The following PRDM5 variants were observed in gnomAD, a reference collection of about 807,000 sequenced individuals.
PRDM5 encodes PR domain zinc finger protein 5.
A neutral mutation model predicts 81.2 loss-of-function variants in PRDM5; 56 were observed. The ratio of observed to expected loss-of-function variants is 0.69; its 90% confidence interval spans 0.56 to 0.86. PRDM5 has a LOEUF of 0.86. Ranked by LOEUF, PRDM5 falls within the 40% of genes least tolerant of loss-of-function variation. The pLI, the probability that PRDM5 is intolerant of heterozygous loss-of-function variation, is 0.00. For missense variants in PRDM5, 697 were observed against 770.1 expected, an observed-to-expected ratio of 0.91 and a Z score of 1.12; for synonymous variants, 267 against 256.4, an observed-to-expected ratio of 1.04 and a Z score of -0.39.
chr4:120,731,009 TAA>T (rs1319882380), intron 14 of PRDM5, among the ~76,000 whole-genome samples: 2 of 152,158 alleles, frequency 1.3e-5, no homozygotes, highest in Non-Finnish European at 2.9e-5. Context: ...CAAAAGCCCT[TAA>T]GAGTTTCCCT....
At chr4:120,789,188 T>C (rs1270676418) in intron 10 of PRDM5, among the ~76,000 whole-genome samples, 1 of 152,182 alleles carries the variant, frequency 6.6e-6, no homozygotes, top group Non-Finnish European at 1.5e-5. Context: ...AAACATATCT[T>C]TTTATATACC....
chr4:120,790,047 T>C (rs1750344995), intron 10 of PRDM5, among the ~76,000 whole-genome samples: 1 of 152,126 alleles, frequency 6.6e-6, no homozygotes, highest in African/African-American at 2.4e-5. Flanking sequence ...GATGAAGTTA[T>C]AGAAGGTAGC....
intron 3 of PRDM5, among the ~76,000 whole-genome samples, chr4:120,833,904 T>C (rs1757027038): frequency 6.6e-6 from 1 of 152,152 alleles, no homozygotes; most frequent in Non-Finnish European, 1.5e-5. Flanking sequence ...ACTCTGAATC[T>C]GTGAAAGCTA....
intron 14 of PRDM5, among the ~76,000 whole-genome samples, chr4:120,750,635 G>T (rs994199872): frequency 5.3e-5 from 8 of 151,632 alleles, no homozygotes; most frequent in Non-Finnish European, 7.4e-5. Flanking sequence ...CCTATTTCCA[G>T]GCATAAGCAG....
chr4:120,697,611 C>G (rs1410128046), intron 15 of PRDM5, among the ~76,000 whole-genome samples: 1 of 148,802 alleles, frequency 6.7e-6, no homozygotes, highest in Non-Finnish European at 1.5e-5. Context: ...CCTCGACTCA[C>G]ATTTTAGCCT....
intron 15 of PRDM5, among the ~76,000 whole-genome samples, chr4:120,704,865 T>C (rs764292720): frequency 3.3e-5 from 5 of 152,152 alleles, no homozygotes; most frequent in Non-Finnish European, 5.9e-5. Flanking sequence ...TTACAGGTAC[T>C]GTGAGCGTGA....
intron 14 of PRDM5, among the ~76,000 whole-genome samples, chr4:120,748,215 GA>G (rs768575176): frequency 6.6e-6 from 1 of 152,208 alleles, no homozygotes; most frequent in Non-Finnish European, 1.5e-5. Context: ...TGGTAAAGCA[GA>G]CCTTTGAGAC....
chr4:120,743,000 A>C (rs1465700456), intron 14 of PRDM5, among the ~76,000 whole-genome samples: 1 of 151,746 alleles, frequency 6.6e-6, no homozygotes, highest in African/African-American at 2.4e-5. Context: ...AGTTGAAATG[A>C]AGGCAAAAAT....
rs570086994 is a variant in PRDM5, at chr4:120,845,776, G to A, written c.300+7642C>T. 6.6e-5 allele frequency among the ~76,000 whole-genome samples: 10 copies of A among 152,296 alleles called. No individual in the cohort carries two copies. In the South Asian group the frequency reaches 2.1e-3, roughly 32 times the overall value. Reference sequence around the variant, plus strand: ...TGCTGTCACAGTGATTCCTCTGGTAGACCTGAGCAAAGTAAATTGAAAACC... The same window carrying A: ...TGCTGTCACAGTGATTCCTCTGGTAAACCTGAGCAAAGTAAATTGAAAACC... On this transcript the variant is annotated intron_variant, in intron 3 of 15. Transcript: ENST00000264808.
At position 120,716,040 on chromosome 4, in the gene PRDM5, T is replaced by A. The variant is rs115845546; in HGVS notation, c.1624-5627A>T. On this transcript the variant is annotated intron_variant, in intron 14 of 15. Coordinates refer to ENST00000264808, the MANE Select transcript of PRDM5 (RefSeq NM_018699.4). ...AGTATACTGAGATTCTGGTGAGGCA[T>A]GAGGGCTTTGCAGTTATCACAAGAG... is the stretch of plus-strand genomic sequence containing the variant. 9.4e-3 allele frequency among the ~76,000 whole-genome samples: 1,432 copies of A among 152,226 alleles called. 19 individuals carry two copies. The highest frequency in any genetic ancestry group is 0.033 in the African/African-American group (1,359 of 41,540).
intron 3 of PRDM5, chr4:120,838,904 G>A (rs1757672423): frequency 2.9e-6 from 1 of 348,290 alleles, no homozygotes; most frequent in South Asian, 5.6e-5. Flanking sequence ...GTGTGAGAGT[G>A]AGTGTGGGGT....
chr4:120,862,718 C>T (rs1025602396), intron 2 of PRDM5, among the ~76,000 whole-genome samples: 4 of 152,134 alleles, frequency 2.6e-5, no homozygotes, highest in African/African-American at 4.8e-5. Context: ...GAACACCTGT[C>T]TTCCTTCCAG....
At chr4:120,894,797 T>C (rs1764434033) in intron 2 of PRDM5, among the ~76,000 whole-genome samples, 1 of 152,220 alleles carries the variant, frequency 6.6e-6, no homozygotes. Flanking sequence ...TGGATGATTT[T>C]GCAATTAGTA....
chr4:120,888,464 C>A (rs1475808501), intron 2 of PRDM5, among the ~76,000 whole-genome samples: 1 of 152,184 alleles, frequency 6.6e-6, no homozygotes, highest in Non-Finnish European at 1.5e-5. Context: ...ATCATAAAAT[C>A]TTTATAATAT....
chr4:120,815,500 C>T (rs1393888688), intron 7 of PRDM5, among the ~76,000 whole-genome samples: 1 of 152,190 alleles, frequency 6.6e-6, no homozygotes, highest in Non-Finnish European at 1.5e-5. Context: ...ACGCTAGCCT[C>T]TATAACTGTA....
chr4:120,719,690 G>T (rs1382710344), intron 14 of PRDM5, among the ~76,000 whole-genome samples: 4 of 152,058 alleles, frequency 2.6e-5, no homozygotes, highest in Non-Finnish European at 2.9e-5. Flanking sequence ...TATGGCTAGG[G>T]TAGTGAGGAA....
In PRDM5 at chr4:120,918,475, T is replaced by A. The variant is rs188522014; in HGVS notation, c.93+4041A>T. 7.6e-4 allele frequency among the ~76,000 whole-genome samples: 116 copies of A among 152,338 alleles called. 3 individuals carry two copies. Among genetic ancestry groups the A allele is most frequent in the African/African-American group, 2.7e-3 (114 of 41,564 alleles). ...CCCACAAAGTCTGCTCTTCCTGTAT[T>A]AACATTTATGCATGGTGATTTTTCC... On this transcript the variant is annotated intron_variant, in intron 1 of 15. Transcript: ENST00000264808.
intron 4 of PRDM5, 40 bp downstream of exon 4, chr4:120,821,128 TACA>T (rs1755203454): frequency 6.3e-7 from 1 of 1,594,542 alleles, no homozygotes; most frequent in Non-Finnish European, 8.6e-7. Flanking sequence ...CACTTTTTTC[TACA>T]ACTTTTCTTC....
intron 15 of PRDM5, among the ~76,000 whole-genome samples, chr4:120,709,085 A>G (rs897683583): frequency 2.0e-5 from 3 of 152,196 alleles, no homozygotes; most frequent in African/African-American, 7.2e-5. Flanking sequence ...ATGATGGTTC[A>G]ATTCACCTAA....
Sources: gnomAD v4.1 joint callset for allele counts (sites outside exome capture counted in the v4.1 genomes callset) on GRCh38, gnomAD v4.1.1 for gene constraint, MANE v1.5 for transcripts, NCBI Gene and HGNC (gene_info 2026-07-23, HGNC 2026-07-21) for gene names.